SI: variants seen among roughly 807,000 people sequenced by gnomAD.
SI encodes sucrase-isomaltase, intestinal.
SI carries 235 observed loss-of-function variants against 253.3 expected under a neutral mutation model. The ratio of observed to expected loss-of-function variants is 0.93; its 90% confidence interval spans 0.83 to 1.03. The LOEUF is 1.03. SI is among the 50% of genes least tolerant of loss of function. The probability of loss-of-function intolerance (pLI) is 0.00; values close to 1 mark genes in which losing one functional copy is unlikely to be tolerated. For synonymous variants in SI, 819 were observed against 712.0 expected (o/e 1.15, Z -2.39); for missense variants, 2,442 against 2,211.1 (o/e 1.10, Z -2.09).
intron 44 of SI, among the ~76,000 whole-genome samples, chr3:164,989,064 AC>A (rs1717574662): frequency 6.6e-6 from 1 of 151,564 alleles, no homozygotes; most frequent in African/African-American, 2.4e-5. Flanking sequence ...GTGCACATGT[AC>A]CCTAAAACTT....
chr3:165,055,630 T>A (rs920638050), intron 12 of SI, among the ~76,000 whole-genome samples: 3 of 151,958 alleles, frequency 2.0e-5, no homozygotes, highest in Admixed American at 1.3e-4. Context: ...ATATTCTATA[T>A]AATATATTTT....
At chr3:165,031,893 CGTT>C in intron 24 of SI, among the ~76,000 whole-genome samples, 1 of 150,894 alleles carries the variant, frequency 6.6e-6, no homozygotes, top group Non-Finnish European at 1.5e-5. Flanking sequence ...TGATTTAATG[CGTT>C]TAGAAGCAGA....
intron 41 of SI, 34 bp from the exon 42 acceptor site, chr3:164,992,431 A>G (rs1717797296): frequency 2.2e-6 from 3 of 1,373,710 alleles, no homozygotes; most frequent in Non-Finnish European, 3.1e-6. Context: ...TTAAATTAAA[A>G]CAAATAACTT....
rs751302984 is a variant in SI at position 164,996,730 on chromosome 3, C to G, written c.4575+8G>C. 8.6e-6 allele frequency: 10 copies of G among 1,168,702 alleles called. No individual in the cohort carries two copies. In the African/African-American group the frequency reaches 1.4e-4, roughly 16 times the overall value. 72.4% of individuals were successfully genotyped at this position (1,168,702 alleles called of 1,614,324 possible). A position where few individuals can be genotyped will look rare whatever the true frequency, so the allele number is the denominator to read the frequency against. ...ATTTATGAAGATAAAAGGAATAAAA[C>G]TACTTACATATGACATTCCAAACAG... is the stretch of plus-strand genomic sequence containing the variant. On this transcript the variant is annotated splice_region_variant and intron_variant, in intron 39 of 47. Coordinates refer to ENST00000264382, the MANE Select transcript of SI (RefSeq NM_001041.4).
intron 3 of SI, among the ~76,000 whole-genome samples, chr3:165,070,209 TA>T (rs1714472638): frequency 6.9e-6 from 1 of 144,422 alleles, no homozygotes; most frequent in Non-Finnish European, 1.5e-5. Flanking sequence ...ATATTATATA[TA>T]AAATATGTTT....
intron 38 of SI, among the ~76,000 whole-genome samples, chr3:164,997,180 T>G (rs2108136560): frequency 6.6e-6 from 1 of 151,868 alleles, no homozygotes; most frequent in Middle Eastern, 3.4e-3. Flanking sequence ...TGAAAAAAAC[T>G]GAACCATTCT....
rs1445873525 is a variant in SI at position 164,979,380 on chromosome 3, T to G, written c.5466A>C (p.Ile1822=). Residue 1822 remains isoleucine (I), a synonymous_variant, in exon 48 of 48, where the codon ATA becomes ATC. Transcript: ENST00000264382. ...GTGATCTTCATGACCAGTTGATTTCTATTGGTTCTTCTAGAGTAACATTGT... is the reference window on the plus strand; with the variant it reads ...GTGATCTTCATGACCAGTTGATTTCGATTGGTTCTTCTAGAGTAACATTGT... The part of the protein sequence containing the change: ...TTHNVTLEEP[I]EINWS 6.3e-7 allele frequency: 1 copy of G among 1,588,678 alleles called. No homozygotes were observed. Among genetic ancestry groups the G allele is most frequent in the Non-Finnish European group, 8.6e-7 (1 of 1,158,470 alleles).
rs779547172 is a variant in SI at position 165,059,279 on chromosome 3, A to C, written c.1167T>G (p.Ile389Met). Residue 389 changes from isoleucine (I) to methionine (M), a missense_variant, in exon 11 of 48, where the codon ATT becomes ATG. Physicochemically the swap from Ile to Met is conservative, Grantham distance 10. Transcript: ENST00000264382. ...GIPFDTQVTD[I>M]DYMEDKKDFT... ...AGTCTTTCTTGTCTTCCATGTAGTCAATATCAGTGACCTGTGTATCCTGAA... is the reference window on the plus strand; with the variant it reads ...AGTCTTTCTTGTCTTCCATGTAGTCCATATCAGTGACCTGTGTATCCTGAA... 5 of 1,612,590 alleles carry C rather than the reference A, an allele frequency of 3.1e-6. No individual in the cohort carries two copies. The highest frequency in any genetic ancestry group is 4.2e-6 in the Non-Finnish European group (5 of 1,178,998).
chr3:165,079,831 T>A (rs972006339), upstream of SI, among the ~76,000 whole-genome samples: 1 of 151,744 alleles, frequency 6.6e-6, no homozygotes, highest in African/African-American at 2.4e-5. Flanking sequence ...AGCTAGATTA[T>A]CAATTAGAAT....
At chr3:164,988,429 G>A (rs1050924792) in intron 44 of SI, among the ~76,000 whole-genome samples, 8 of 152,092 alleles carry the variant, frequency 5.3e-5, no homozygotes, top group Non-Finnish European at 8.8e-5. Flanking sequence ...ATTAGAAAGA[G>A]TTTTACAACT....
At chr3:165,046,539 C>A (rs1168193501) in intron 16 of SI, among the ~76,000 whole-genome samples, 1 of 151,856 alleles carries the variant, frequency 6.6e-6, no homozygotes, top group East Asian at 1.9e-4. Context: ...AACTTTTCTT[C>A]ACCATCTTAT....
intron 25 of SI, among the ~76,000 whole-genome samples, chr3:165,029,614 ATATATG>A (rs1712127745): frequency 6.9e-6 from 1 of 145,804 alleles, no homozygotes; most frequent in African/African-American, 2.5e-5. Context: ...ATATATGTAT[ATATATG>A]TAACATTAGC....
intron 12 of SI, among the ~76,000 whole-genome samples, chr3:165,057,385 G>A (rs1182813403): frequency 6.6e-6 from 1 of 151,870 alleles, no homozygotes; most frequent in Non-Finnish European, 1.5e-5. Context: ...TGGCCTTAAA[G>A]AGGAAGTAGA....
At chr3:165,044,166 A>G (rs1712997418) in intron 16 of SI, among the ~76,000 whole-genome samples, 1 of 152,028 alleles carries the variant, frequency 6.6e-6, no homozygotes, top group South Asian at 2.1e-4. Context: ...ATTTCATTAC[A>G]TATATGTAAA....
At chr3:165,035,051 C>T (rs1455266488) in intron 22 of SI, among the ~76,000 whole-genome samples, 1 of 151,894 alleles carries the variant, frequency 6.6e-6, no homozygotes, top group Non-Finnish European at 1.5e-5. Context: ...AAGGTGTTGG[C>T]ATCTGTAGCA....
chr3:165,015,309 A>C (rs1346837047), intron 32 of SI, 76 bp from the exon 33 acceptor site: 13 of 917,204 alleles, frequency 1.4e-5, no homozygotes, highest in Non-Finnish European at 2.2e-5. Context: ...ATGAAGCATA[A>C]GTTTTCATTA....
rs183303547 is a variant in SI, at chr3:165,038,476, A to G, written c.2302-452T>C. ...TGTAATTCCAGCACTTTGGGAGGCC[A>G]TGGCGGGCGGATCACAAGGTCAGGA... On this transcript the variant is annotated intron_variant, in intron 20 of 47. Transcript: ENST00000264382. 2.3e-4 allele frequency among the ~76,000 whole-genome samples: 35 copies of G among 151,686 alleles called. 1 individual carries two copies. In the East Asian group the frequency reaches 5.1e-3, roughly 22 times the overall value.
intron 19 of SI, 82 bp downstream of exon 19, chr3:165,039,804 TA>T: frequency 3.2e-6 from 3 of 942,430 alleles, no homozygotes; most frequent in Non-Finnish European, 5.3e-6. Context: ...GAGTAACATC[TA>T]TTATTCAGAT....
At chr3:165,010,818 C>G (rs748642728) in intron 34 of SI, among the ~76,000 whole-genome samples, 3 of 152,126 alleles carry the variant, frequency 2.0e-5, no homozygotes, top group African/African-American at 7.2e-5. Context: ...AGCCATTCTA[C>G]GTAAATTGAC....
Sources: allele counts gnomAD v4.1 joint callset (sites outside exome capture counted in the v4.1 genomes callset), GRCh38; gene constraint gnomAD v4.1.1; transcripts MANE v1.5; gene names NCBI Gene and HGNC (gene_info 2026-07-23, HGNC 2026-07-21).